Variants in OMA1 observed in about 807,000 individuals in gnomAD.
OMA1 encodes OMA1 zinc metallopeptidase, also known as metalloendopeptidase OMA1, mitochondrial.
OMA1 carries 38 observed loss-of-function variants against 30.9 expected under a neutral mutation model. The ratio of observed to expected loss-of-function variants is 1.23; its 90% confidence interval spans 0.95 to 1.61. OMA1 has a LOEUF of 1.61. Among genes scored for constraint, OMA1 ranks in the 40% most tolerant of loss-of-function variants. The pLI is 0.00. For missense variants in OMA1, 461 were observed against 349.2 expected (o/e 1.32, Z -2.55); for synonymous variants, 173 against 121.9 (o/e 1.42, Z -2.76).
chr1:58,483,112 TG>T (rs1037013114), intron 8 of OMA1, among the ~76,000 whole-genome samples: 5 of 152,312 alleles, frequency 3.3e-5, no homozygotes, highest in African/African-American at 9.6e-5. Flanking sequence ...TTTCAGAACA[TG>T]TAAGATTGCA....
chr1:58,530,596 C>T lies in OMA1; in HGVS notation c.1140+5G>A. On this transcript the variant is annotated splice_donor_5th_base_variant and intron_variant, in intron 6 of 8. Transcript: ENST00000371226. ...GATCAATTCAAGTTATTGTCTCAGA[C>T]TTACCTCCTGCAATTTAGACTGTAT... 1 of 871,396 alleles carries T rather than the reference C, an allele frequency of 1.1e-6. No individual in the cohort carries two copies. The highest frequency in any genetic ancestry group is 1.7e-5 in the Admixed American group (1 of 59,066). 54.0% of individuals were successfully genotyped at this position (871,396 alleles called of 1,614,324 possible).
chr1:58,489,031 A>T (rs1030943146), intron 8 of OMA1, among the ~76,000 whole-genome samples: 4 of 152,230 alleles, frequency 2.6e-5, no homozygotes, highest in African/African-American at 9.6e-5. Context: ...CAGAAGACGA[A>T]CGATTTCTCC....
At chr1:58,482,015 C>T (rs1391673668) in intron 8 of OMA1, among the ~76,000 whole-genome samples, 1 of 152,156 alleles carries the variant, frequency 6.6e-6, no homozygotes, top group East Asian at 1.9e-4. Flanking sequence ...AAAATCATGA[C>T]AATTTTTAAC....
intron 7 of OMA1, among the ~76,000 whole-genome samples, chr1:58,517,147 G>C (rs1269582263): frequency 6.6e-6 from 1 of 152,184 alleles, no homozygotes; most frequent in Non-Finnish European, 1.5e-5. Context: ...AAACAGATTT[G>C]AAGAGGTTAA....
rs1215276464 is a variant in OMA1 at position 58,518,301 on chromosome 1, A to G, written c.1215+8960T>C. Among the ~76,000 whole-genome samples the G allele has an allele frequency of 5.4e-4, 34 of 62,840 alleles. 1 individual carries two copies. Among genetic ancestry groups the G allele is most frequent in the Middle Eastern group, 0.017 (2 of 120 alleles). The allele number at this position is 62,840 out of a possible 152,430, so 41.2% of individuals were successfully genotyped here. ...AGGAGAAGAGAAGAGAAGAGAAGAG[A>G]AGAGAAGAGAAGAGAAGAGAAGAGA... On this transcript the variant is annotated intron_variant, in intron 7 of 8. Transcript: ENST00000371226.
intron 8 of OMA1, among the ~76,000 whole-genome samples, chr1:58,497,674 G>C (rs1038326164): frequency 9.9e-5 from 15 of 152,112 alleles, no homozygotes; most frequent in African/African-American, 3.6e-4. Context: ...TCTCTAATTT[G>C]CAAGTATGTC....
In OMA1 at chr1:58,539,188, C is replaced by G. The variant is rs746657014; in HGVS notation, c.107G>C (p.Arg36Pro). The G allele has an allele frequency of 1.1e-6, 1 of 872,874 alleles. No homozygotes were observed. The allele number at this position is 872,874 out of a possible 1,614,324, so 54.1% of individuals were successfully genotyped here. Residue 36 changes from arginine to proline, a missense_variant, in exon 2 of 9, where the codon CGG becomes CCG. Arg to Pro is a moderately radical substitution (Grantham distance 103). Coordinates refer to ENST00000371226, the MANE Select transcript of OMA1 (RefSeq NM_145243.5). ...GTTAACTTGTACTTGATGACAGCCC[C>G]GTGAGGTGGATGCTAATGTGTTACA... ...RKCNTLASTSRGCHQVQVNHI... is the reference protein window; with the variant it reads ...RKCNTLASTSPGCHQVQVNHI...
chr1:58,497,062 C>T (rs1194154927), intron 8 of OMA1, among the ~76,000 whole-genome samples: 2 of 152,166 alleles, frequency 1.3e-5, no homozygotes, highest in Non-Finnish European at 2.9e-5. Flanking sequence ...CACTATGAAG[C>T]TTAGTTGCAT....
chr1:58,490,286 G>A (rs535982200), intron 8 of OMA1, among the ~76,000 whole-genome samples: 45 of 152,290 alleles, frequency 3.0e-4, no homozygotes, highest in Admixed American at 2.8e-3. Context: ...CAAGAACTAC[G>A]TGACGAATGC....
intron 8 of OMA1, among the ~76,000 whole-genome samples, chr1:58,489,836 T>C (rs1645646913): frequency 6.6e-6 from 1 of 152,220 alleles, no homozygotes. Context: ...AAACAGGGTC[T>C]GGAGTGGTCC....
At chr1:58,509,408 C>T (rs187536852) in intron 7 of OMA1, among the ~76,000 whole-genome samples, 2 of 144,282 alleles carry the variant, frequency 1.4e-5, no homozygotes, top group African/African-American at 5.1e-5. Context: ...GCCTATGGGT[C>T]AAGGAAAAAA....
At chr1:58,492,326 T>C (rs1482761442) in intron 8 of OMA1, among the ~76,000 whole-genome samples, 3 of 151,914 alleles carry the variant, frequency 2.0e-5, no homozygotes, top group South Asian at 2.1e-4. Flanking sequence ...AGATCTAAAA[T>C]TGACACCCTA....
At chr1:58,507,915 G>A (rs984888928) in intron 7 of OMA1, among the ~76,000 whole-genome samples, 1 of 152,020 alleles carries the variant, frequency 6.6e-6, no homozygotes, top group Non-Finnish European at 1.5e-5. Flanking sequence ...TCTGAAAACT[G>A]GAAGATAAAC....
intron 5 of OMA1, among the ~76,000 whole-genome samples, chr1:58,531,916 C>T (rs10218842): frequency 0.12 from 17,664 of 151,966 alleles, 1,224 homozygotes; most frequent in African/African-American, 0.18. Context: ...ACCATGTTGG[C>T]CAGGCTGGTC....
At chr1:58,490,795 CTTTTTTTTTTTTTTTTTT>C (rs148145860) in intron 8 of OMA1, among the ~76,000 whole-genome samples, 1 of 59,244 alleles carries the variant, frequency 1.7e-5, no homozygotes, top group Non-Finnish European at 3.0e-5. Context: ...AGTCAACATT[CTTTTTTTTTTTTTTTTTT>C]TTTTTTTTTT....
intron 8 of OMA1, among the ~76,000 whole-genome samples, chr1:58,500,874 A>G (rs1645895861): frequency 6.6e-6 from 1 of 152,210 alleles, no homozygotes; most frequent in South Asian, 2.1e-4. Flanking sequence ...TCTTATTCAC[A>G]TCTATTCATA....
chr1:58,490,808 T>A (rs1451311674), intron 8 of OMA1, among the ~76,000 whole-genome samples: 10 of 124,464 alleles, frequency 8.0e-5, no homozygotes, highest in African/African-American at 2.9e-4. Flanking sequence ...TTTTTTTTTT[T>A]TTTTTTTTTT....
intron 7 of OMA1, among the ~76,000 whole-genome samples, chr1:58,526,021 T>C (rs1646344269): frequency 1.3e-5 from 2 of 152,124 alleles, no homozygotes; most frequent in South Asian, 4.1e-4. Flanking sequence ...GATGTTGCCC[T>C]CTTCCTCATA....
At chr1:58,509,831 C>T (rs1243350091) in intron 7 of OMA1, among the ~76,000 whole-genome samples, 1 of 151,656 alleles carries the variant, frequency 6.6e-6, no homozygotes, top group Non-Finnish European at 1.5e-5. Flanking sequence ...GTAACTGATA[C>T]CATACAAAGG....
Sources: gnomAD v4.1 joint callset for allele counts (sites outside exome capture counted in the v4.1 genomes callset) on GRCh38, gnomAD v4.1.1 for gene constraint, MANE v1.5 for transcripts, NCBI Gene and HGNC (gene_info 2026-07-23, HGNC 2026-07-21) for gene names.